The following AFMID variants were observed in gnomAD, a reference collection of about 807,000 sequenced individuals.
AFMID encodes kynurenine formamidase.
A neutral mutation model predicts 47.5 loss-of-function variants in AFMID; 39 were observed. The observed-to-expected ratio is 0.82, with a 90% CI of 0.64 to 1.07. The LOEUF (loss-of-function observed/expected upper bound fraction) is 1.07. Among genes scored for constraint, AFMID ranks in the 50% least tolerant of loss-of-function variants. The probability of loss-of-function intolerance (pLI) is 0.00; values close to 1 mark genes in which losing one functional copy is unlikely to be tolerated. For synonymous variants in AFMID, 130 were observed against 153.2 expected, an observed-to-expected ratio of 0.85 and a Z score of 1.12; for missense variants, 375 against 387.5, an observed-to-expected ratio of 0.97 and a Z score of 0.27.
chr17:78,197,984 C>T (rs1009818488), intron 2 of AFMID, among the ~76,000 whole-genome samples: 1 of 151,990 alleles, frequency 6.6e-6, no homozygotes, highest in African/African-American at 2.4e-5. Context: ...TGTGGTGGTG[C>T]TTGGGAGGCT....
chr17:78,203,033 T>C (rs1422428879), intron 4 of AFMID: 3 of 353,646 alleles, frequency 8.5e-6, no homozygotes, highest in African/African-American at 4.3e-5. Flanking sequence ...CTGGTGTTCC[T>C]GGGTCTCAAA....
In AFMID at chr17:78,202,763, G is replaced by T. The variant is rs200645287; in HGVS notation, c.308+12G>T. On this transcript the variant is annotated intron_variant, in intron 4 of 10. Coordinates refer to ENST00000409257, the MANE Select transcript of AFMID (RefSeq NM_001010982.5). The stretch of plus-strand genomic sequence containing the variant: ...TGGCAGAGCGGAAGGTGAGTCGGGG[G>T]ATGTGGATGGTGGACTGCAAGAGAG... 2 of 1,554,436 alleles carry T rather than the reference G, an allele frequency of 1.3e-6. No homozygotes were observed. Among genetic ancestry groups the T allele is most frequent in the African/African-American group, 1.4e-5 (1 of 73,584 alleles).
In AFMID at chr17:78,188,458, C is replaced by A. The variant is rs906173670; in HGVS notation, c.63+1025C>A. Among the ~76,000 whole-genome samples the A allele has an allele frequency of 3.3e-5, 5 of 152,180 alleles. No individual in the cohort carries two copies. In the East Asian group the frequency reaches 9.6e-4, roughly 29 times the overall value. ...TTTTTGAGACACAGTCTCGCTCAGT[C>A]ACCCAGGCTGGAGTGCAGTGGCATG... On this transcript the variant is annotated intron_variant, in intron 1 of 10. Transcript: ENST00000409257.
At position 78,202,631 on chromosome 17, in the gene AFMID, G is replaced by A. The variant is rs531789829; in HGVS notation, c.259+28G>A. ...TGTCGGTGAAGGGGCTGGGGGTCCC[G>A]GGGCTTGGGGGTCCAGTGGCAGAGC... On this transcript the variant is annotated intron_variant, in intron 3 of 10. Transcript: ENST00000409257. 6.2e-5 allele frequency: 99 copies of A among 1,591,318 alleles called. No homozygotes were observed. The Middle Eastern group carries it at 2.6e-3, about 42-fold the overall frequency.
intron 1 of AFMID, among the ~76,000 whole-genome samples, chr17:78,189,922 C>T (rs1285139637): frequency 6.7e-6 from 1 of 150,084 alleles, no homozygotes; most frequent in Non-Finnish European, 1.5e-5. Context: ...ACCTCTGCCT[C>T]CCTGGTTCAA....
chr17:78,187,404 A>G lies in AFMID; in HGVS notation c.34A>G (p.Lys12Glu), dbSNP rs2075822511. 4 of 1,613,874 alleles carry G rather than the reference A, an allele frequency of 2.5e-6. No individual in the cohort carries two copies. The South Asian group carries it at 3.3e-5, about 13-fold the overall frequency. Residue 12 changes from lysine (K) to glutamate (E), a missense_variant, in exon 1 of 11, where the codon AAG becomes GAG. Coordinates refer to ENST00000409257, the MANE Select transcript of AFMID (RefSeq NM_001010982.5). ...MDVSGVGFPS[K>E]VPWKKMSAEE... Reference sequence around the variant, plus strand: ...TGTGTCTGGTGTGGGTTTCCCAAGCAAGGTTCCTTGGAAGAAGATGTCTGC... The same window carrying G: ...TGTGTCTGGTGTGGGTTTCCCAAGCGAGGTTCCTTGGAAGAAGATGTCTGC...
intron 2 of AFMID, among the ~76,000 whole-genome samples, chr17:78,191,496 C>T (rs145897539): frequency 0.045 from 6,810 of 152,070 alleles, 358 homozygotes; most frequent in East Asian, 0.13. Flanking sequence ...CCAGCCTGGC[C>T]AACATGGCAA....
chr17:78,196,923 C>T (rs1210119843), intron 2 of AFMID, among the ~76,000 whole-genome samples: 2 of 152,088 alleles, frequency 1.3e-5, no homozygotes, highest in African/African-American at 2.4e-5. Flanking sequence ...CTGTGGGGGG[C>T]ATGAGTCACT....
chr17:78,202,416 G>T, intron 2 of AFMID, 83 bp from the exon 3 acceptor site: 1 of 1,394,018 alleles, frequency 7.2e-7, no homozygotes, highest in South Asian at 1.2e-5. Context: ...GCAACAGAGT[G>T]AGACTTCGTC....
chr17:78,204,538 A>T, intron 4 of AFMID, 118 bp from the exon 5 acceptor site: 4 of 931,484 alleles, frequency 4.3e-6, no homozygotes, highest in Non-Finnish European at 6.9e-6. Context: ...CTCACATGGG[A>T]CCAGAAAGGG....
intron 4 of AFMID, chr17:78,203,332 A>AT (rs1383270218): frequency 1.4e-5 from 2 of 146,082 alleles, no homozygotes; most frequent in East Asian, 4.1e-4. Flanking sequence ...AAGTTCTGGG[A>AT]TTACAGGCGT....
chr17:78,204,023 CA>C (rs11308034), intron 4 of AFMID: 56,515 of 93,500 alleles, frequency 0.6, 14,652 homozygotes, highest in Admixed American at 0.66. Context: ...GACTCTGTCT[CA>C]AAAAAAAAAA....
At chr17:78,192,550 GT>G in intron 2 of AFMID, 1 of 458,444 alleles carries the variant, frequency 2.2e-6, no homozygotes, top group Admixed American at 2.4e-5. Flanking sequence ...CCGACCTCAG[GT>G]CATCCACCTG....
At position 78,205,716 on chromosome 17, in the gene AFMID, G is replaced by T. The variant is rs371373442; in HGVS notation, c.758G>T (p.Arg253Leu). 1 of 1,610,618 alleles carries T rather than the reference G, an allele frequency of 6.2e-7. No homozygotes were observed. Residue 253 changes from arginine to leucine, a missense_variant, in exon 9 of 11, where the codon CGA becomes CTA. By Grantham distance (102) the Arg-to-Leu change is moderately radical (BLOSUM62 -2). Coordinates refer to ENST00000409257, the MANE Select transcript of AFMID (RefSeq NM_001010982.5). ...CAGTTCGACTCCCCCGAATTCCACC[G>T]ACAGTCCTGGGAGTTTTACCAGGTA... is the stretch of plus-strand genomic sequence containing the variant. The part of the protein sequence containing the change: ...VGQFDSPEFH[R>L]QSWEFYQTLC...
At chr17:78,205,400 G>A (rs201356958) in intron 7 of AFMID, 40 bp from the exon 8 acceptor site, 59 of 1,607,436 alleles carry the variant, frequency 3.7e-5, no homozygotes, top group Admixed American at 3.0e-4. Context: ...GCCTTGCTCC[G>A]CCTGGAGCCT....
chr17:78,206,792 G>A (rs763142033), intron 10 of AFMID, 119 bp from the exon 11 acceptor site: 53 of 991,476 alleles, frequency 5.3e-5, no homozygotes, highest in Non-Finnish European at 7.0e-5. Context: ...TCAGCCTCCC[G>A]AAGGGTTGGG....
At chr17:78,192,315 T>G (rs933975029) in intron 2 of AFMID, among the ~76,000 whole-genome samples, 5 of 135,572 alleles carry the variant, frequency 3.7e-5, no homozygotes, top group Non-Finnish European at 6.4e-5. Context: ...CTGGACTTTT[T>G]TTTTTTTTTT....
intron 2 of AFMID, among the ~76,000 whole-genome samples, chr17:78,194,698 C>T (rs1567845680): frequency 6.8e-6 from 1 of 146,860 alleles, no homozygotes; most frequent in East Asian, 2.0e-4. Flanking sequence ...AGTAAAAATA[C>T]TTTTTTTTTT....
At chr17:78,195,183 A>G (rs1321530860) in intron 2 of AFMID, among the ~76,000 whole-genome samples, 1 of 145,400 alleles carries the variant, frequency 6.9e-6, no homozygotes, top group African/African-American at 2.5e-5. Flanking sequence ...TAAAGGGGAC[A>G]GTTTCTTTCT....
Sources: gnomAD v4.1 joint callset for allele counts (sites outside exome capture counted in the v4.1 genomes callset) on GRCh38, gnomAD v4.1.1 for gene constraint, MANE v1.5 for transcripts, NCBI Gene and HGNC (gene_info 2026-07-23, HGNC 2026-07-21) for gene names.